The following TRA2A variants were observed in gnomAD, a reference collection of about 807,000 sequenced individuals.
TRA2A encodes the protein transformer-2 protein homolog alpha.
A neutral mutation model predicts 45.7 loss-of-function variants in TRA2A; 31 were observed. That is an observed-to-expected ratio of 0.68 (90% confidence interval 0.51 to 0.92). The LOEUF (loss-of-function observed/expected upper bound fraction) is 0.92. Among genes scored for constraint, TRA2A ranks in the 40% least tolerant of loss-of-function variants. The pLI, the probability that TRA2A is intolerant of heterozygous loss-of-function variation, is 0.00. For missense variants in TRA2A, 304 were observed against 367.5 expected (o/e 0.83, Z 1.41); for synonymous variants, 132 against 126.2 (o/e 1.05, Z -0.31).
intron 1 of TRA2A, among the ~76,000 whole-genome samples, chr7:23,526,533 T>C (rs972830818): frequency 1.3e-5 from 2 of 152,194 alleles, no homozygotes; most frequent in Non-Finnish European, 2.9e-5. Context: ...TTTTACTACT[T>C]ACTAAAGAAC....
At chr7:23,525,227 C>T (rs924648732) in intron 1 of TRA2A, among the ~76,000 whole-genome samples, 7 of 152,194 alleles carry the variant, frequency 4.6e-5, no homozygotes, top group African/African-American at 1.2e-4. Context: ...CTCTCTGACT[C>T]GTCTTCATTA....
Position 23,531,855 on chromosome 7 carries a change from G to A in TRA2A, c.-31C>T. On this transcript the variant is annotated 5_prime_UTR_variant, in exon 1 of 8. Transcript: ENST00000297071. ...CGAGGCGCTCCCCAGAACTAAATAAGAGACAAGTCTCGGCTCGAGGGCCGA... is the reference window on the plus strand; with the variant it reads ...CGAGGCGCTCCCCAGAACTAAATAAAAGACAAGTCTCGGCTCGAGGGCCGA... 6.2e-7 allele frequency: 1 copy of A among 1,613,280 alleles called. No individual in the cohort carries two copies. Among genetic ancestry groups the A allele is most frequent in the Non-Finnish European group, 8.5e-7 (1 of 1,179,914 alleles).
In TRA2A at chr7:23,505,226, G is replaced by C. The variant is rs972360360; in HGVS notation, c.*333C>G. On this transcript the variant is annotated 3_prime_UTR_variant, in exon 8 of 8. Transcript: ENST00000297071. ...TAATACAGTATCTAACACAAAAGAA[G>C]CTTTAAAAAGACAGTTTCTTTCCTT... 1 of 258,810 alleles carries C rather than the reference G, an allele frequency of 3.9e-6. No homozygotes were observed. The highest frequency in any genetic ancestry group is 7.2e-6 in the Non-Finnish European group (1 of 139,728). The allele number at this position is 258,810 out of a possible 1,614,324, so 16.0% of individuals were successfully genotyped here. A position where few individuals can be genotyped will look rare whatever the true frequency, so the allele number is the denominator to read the frequency against.
At chr7:23,517,409 C>G (rs375834288) in intron 2 of TRA2A, among the ~76,000 whole-genome samples, 1 of 131,552 alleles carries the variant, frequency 7.6e-6, no homozygotes, top group African/African-American at 2.9e-5. Context: ...ACCCAGAAGG[C>G]GGAGCTTGCA....
At chr7:23,508,296 AAG>A (rs1491373955) in intron 4 of TRA2A, among the ~76,000 whole-genome samples, 2 of 148,274 alleles carry the variant, frequency 1.3e-5, no homozygotes, top group African/African-American at 2.5e-5. Flanking sequence ...AAAAAAAAAA[AAG>A]GAGGTCTCAC....
At chr7:23,507,250 C>A in intron 5 of TRA2A, 170 bp downstream of exon 5, 1 of 579,278 alleles carries the variant, frequency 1.7e-6, no homozygotes, top group Non-Finnish European at 3.0e-6. Flanking sequence ...CAGGCATGTG[C>A]CACCACACCT....
At position 23,516,019 on chromosome 7, in the gene TRA2A, A is replaced by G. The variant is rs186663891; in HGVS notation, c.336+344T>C. Among the ~76,000 whole-genome samples, 608 of 152,132 alleles carry G rather than the reference A, an allele frequency of 4.0e-3. 4 individuals carry two copies. The highest frequency in any genetic ancestry group is 0.014 in the African/African-American group (591 of 41,548). On this transcript the variant is annotated intron_variant, in intron 3 of 7. Transcript: ENST00000297071. ...GTGAAACCCCATTTCTAAAAACACA[A>G]AAATTAGCTGGGTGTGGTGGTGCAC...
intron 3 of TRA2A, among the ~76,000 whole-genome samples, chr7:23,515,431 G>GTTAGCCGGGA (rs1789820756): frequency 1.3e-5 from 2 of 151,510 alleles, no homozygotes; most frequent in Non-Finnish European, 2.9e-5. Context: ...GGGTTTCACC[G>GTTAGCCGGGA]TGGTCTCGAT....
Position 23,530,907 on chromosome 7 carries a change from AG to A in TRA2A, c.36+881del, listed in dbSNP as rs1329481936. On this transcript the variant is annotated intron_variant, in intron 1 of 7. Coordinates refer to ENST00000297071, the MANE Select transcript of TRA2A (RefSeq NM_013293.5). ...CAGCTATGTAAGATTAAAGAAAGAC[AG>A]ATTTTTTTTTTTTTACCGTAAAAAC... is the stretch of plus-strand genomic sequence containing the variant. Among the ~76,000 whole-genome samples the A allele has an allele frequency of 2.8e-5, 4 of 142,900 alleles. No individual in the cohort carries two copies. The East Asian group carries it at 8.9e-4, about 32-fold the overall frequency. 93.7% of individuals were successfully genotyped at this position (142,900 alleles called of 152,430 possible).
At chr7:23,517,477 CAAAAAAAA>C (rs70954385) in intron 2 of TRA2A, among the ~76,000 whole-genome samples, 623 of 13,924 alleles carry the variant, frequency 0.045, 34 homozygotes, top group African/African-American at 0.095. Context: ...GACTACGTCT[CAAAAAAAA>C]AAAAAAAAAA....
chr7:23,508,774 G>A (rs532606758), intron 4 of TRA2A, among the ~76,000 whole-genome samples: 12 of 152,044 alleles, frequency 7.9e-5, no homozygotes, highest in East Asian at 3.9e-4. Context: ...GATTACAGGC[G>A]TAAGCCACCA....
intron 2 of TRA2A, among the ~76,000 whole-genome samples, chr7:23,519,000 T>G (rs867217698): frequency 1.3e-5 from 2 of 152,274 alleles, no homozygotes; most frequent in African/African-American, 4.8e-5. Context: ...AGCCTTTACT[T>G]ATTGATGCTT....
At chr7:23,510,278 C>T (rs969720664) in intron 4 of TRA2A, among the ~76,000 whole-genome samples, 1 of 152,170 alleles carries the variant, frequency 6.6e-6, no homozygotes, top group Non-Finnish European at 1.5e-5. Context: ...AACTTCTAAT[C>T]CTGCCACTAA....
intron 4 of TRA2A, among the ~76,000 whole-genome samples, chr7:23,508,642 G>A (rs1291899300): frequency 6.6e-6 from 1 of 152,086 alleles, no homozygotes; most frequent in Non-Finnish European, 1.5e-5. Context: ...CTACAGGCAT[G>A]CGCCACCATG....
At chr7:23,514,461 T>C (rs1789767734) in intron 3 of TRA2A, among the ~76,000 whole-genome samples, 1 of 152,190 alleles carries the variant, frequency 6.6e-6, no homozygotes, top group South Asian at 2.1e-4. Flanking sequence ...AAACTCCGTC[T>C]CACTTATAAA....
intron 1 of TRA2A, among the ~76,000 whole-genome samples, chr7:23,531,015 C>A (rs1362203757): frequency 6.6e-6 from 1 of 151,872 alleles, no homozygotes; most frequent in South Asian, 2.1e-4. Context: ...AGAGAAAAAA[C>A]CCAACATCGA....
chr7:23,505,611 T>TAAATAAAA, intron 7 of TRA2A, 42 bp from the exon 8 acceptor site: 1 of 505,980 alleles, frequency 2.0e-6, no homozygotes, highest in Non-Finnish European at 3.4e-6. Flanking sequence ...AAAAAAAAGT[T>TAAATAAAA]AACAATTATA....
intron 6 of TRA2A, 133 bp from the exon 7 acceptor site, chr7:23,505,946 G>A: frequency 1.4e-6 from 1 of 692,770 alleles, no homozygotes; most frequent in South Asian, 2.8e-5. Context: ...TTCTCTTTCT[G>A]CCAATGAGAC....
chr7:23,510,773 G>T (rs1789564894), intron 4 of TRA2A, among the ~76,000 whole-genome samples: 1 of 151,922 alleles, frequency 6.6e-6, no homozygotes, highest in Non-Finnish European at 1.5e-5. Flanking sequence ...AGATATCCTA[G>T]TATTTCTAAA....
Sources: allele counts gnomAD v4.1 joint callset (sites outside exome capture counted in the v4.1 genomes callset), GRCh38; gene constraint gnomAD v4.1.1; transcripts MANE v1.5; gene names NCBI Gene and HGNC (gene_info 2026-07-23, HGNC 2026-07-21).